Variants in PCDHA13 observed in about 807,000 individuals in gnomAD.
The protein encoded by PCDHA13 is protocadherin alpha-13.
PCDHA13 carries 54 observed loss-of-function variants against 64.8 expected under a neutral mutation model. That is an observed-to-expected ratio of 0.83 (90% confidence interval 0.67 to 1.04). The LOEUF is 1.04. PCDHA13 is among the 50% of genes least tolerant of loss of function. PCDHA13 has a pLI of 0.00. For synonymous variants in PCDHA13, 587 were observed against 564.4 expected (o/e 1.04, Z -0.57); for missense variants, 1,248 against 1,254.3 (o/e 0.99, Z 0.08).
At chr5:140,908,455 AT>A (rs367827339) in intron 1 of PCDHA13, among the ~76,000 whole-genome samples, 51 of 152,296 alleles carry the variant, frequency 3.3e-4, no homozygotes, top group African/African-American at 9.9e-4. Flanking sequence ...GGCTAGATGG[AT>A]CAGAAAGCAC....
At chr5:140,969,170 G>A in intron 1 of PCDHA13, 1 of 1,614,114 alleles carries the variant, frequency 6.2e-7, no homozygotes. Flanking sequence ...AGCAGGCTCA[G>A]GGAGTGACAC....
intron 3 of PCDHA13, among the ~76,000 whole-genome samples, chr5:140,994,387 C>T (rs192635308): frequency 1.3e-5 from 2 of 152,174 alleles, no homozygotes; most frequent in East Asian, 1.9e-4. Context: ...GGGACTAAGT[C>T]AGAGATTATT....
intron 1 of PCDHA13, among the ~76,000 whole-genome samples, chr5:140,951,495 G>A (rs1554219919): frequency 1.3e-5 from 2 of 151,958 alleles, no homozygotes; most frequent in African/African-American, 4.8e-5. Context: ...ATGGTGGAAG[G>A]CAAAAGGAAA....
chr5:141,003,741 A>G (rs1291595687), intron 3 of PCDHA13, among the ~76,000 whole-genome samples: 5 of 152,180 alleles, frequency 3.3e-5, no homozygotes, highest in South Asian at 2.1e-4. Flanking sequence ...AAGCAAAACC[A>G]TATTTTGTAT....
At position 140,948,398 on chromosome 5, in the gene PCDHA13, T is replaced by G. The variant is rs147325819; in HGVS notation, c.2395-30551T>G. 6.9e-3 allele frequency among the ~76,000 whole-genome samples: 1,051 copies of G among 151,748 alleles called. 6 individuals carry two copies. The highest frequency in any genetic ancestry group is 0.017 in the Middle Eastern group (5 of 294). Reference sequence around the variant, plus strand: ...CCTTCCTCTATTTTCTGAAAGGTTGTGTAATATTGGTGTTATTTCTTCCTT... The same window carrying G: ...CCTTCCTCTATTTTCTGAAAGGTTGGGTAATATTGGTGTTATTTCTTCCTT... On this transcript the variant is annotated intron_variant, in intron 1 of 3. Transcript: ENST00000289272.
At chr5:140,995,608 C>G (rs543938511) in intron 3 of PCDHA13, among the ~76,000 whole-genome samples, 1 of 152,206 alleles carries the variant, frequency 6.6e-6, no homozygotes, top group East Asian at 1.9e-4. Flanking sequence ...TTTCTTCTCC[C>G]AAACCAAATA....
At chr5:140,906,099 T>G (rs1377633678) in intron 1 of PCDHA13, among the ~76,000 whole-genome samples, 1 of 152,118 alleles carries the variant, frequency 6.6e-6, no homozygotes, top group African/African-American at 2.4e-5. Flanking sequence ...AGTAAGTGTG[T>G]CTTTCCCAGT....
In PCDHA13 at chr5:140,979,019, C is replaced by T; in HGVS notation, c.2453+12C>T. On this transcript the variant is annotated intron_variant, in intron 2 of 3. Coordinates refer to ENST00000289272, the MANE Select transcript of PCDHA13 (RefSeq NM_018904.3). ...GCAGGCATGCACAGGTATGTATTTC[C>T]CTCCTCATTCACTCAGAAGTAACCT... 1 of 1,613,662 alleles carries T rather than the reference C, an allele frequency of 6.2e-7. No individual in the cohort carries two copies. Among genetic ancestry groups the T allele is most frequent in the South Asian group, 1.1e-5 (1 of 90,910 alleles).
chr5:140,986,777 G>A (rs1203790689), intron 3 of PCDHA13, among the ~76,000 whole-genome samples: 5 of 152,234 alleles, frequency 3.3e-5, no homozygotes, highest in Admixed American at 6.5e-5. Flanking sequence ...ATTAGGTAGC[G>A]GAAGCCACTA....
At position 140,909,749 on chromosome 5, in the gene PCDHA13, C is replaced by G. The variant is rs141984152; in HGVS notation, c.2394+25087C>G. On this transcript the variant is annotated intron_variant, in intron 1 of 3. Coordinates refer to ENST00000289272, the MANE Select transcript of PCDHA13 (RefSeq NM_018904.3). ...ATGCATTCTGGCACTGGGGAAATGA[C>G]CACAGGATGAGTCCAGGGACCCACT... 2.0e-3 allele frequency among the ~76,000 whole-genome samples: 298 copies of G among 152,232 alleles called. 1 individual carries two copies. Among genetic ancestry groups the G allele is most frequent in the African/African-American group, 6.9e-3 (285 of 41,526 alleles).
chr5:140,902,565 T>G (rs571957153), intron 1 of PCDHA13, among the ~76,000 whole-genome samples: 1 of 152,110 alleles, frequency 6.6e-6, no homozygotes. Context: ...TTTTTGAGGG[T>G]TTTTAAGATT....
chr5:140,971,050 C>G (rs2096454255), intron 1 of PCDHA13, among the ~76,000 whole-genome samples: 1 of 152,146 alleles, frequency 6.6e-6, no homozygotes, highest in South Asian at 2.1e-4. Context: ...AAGGGTTTAG[C>G]TTTAAATAAG....
intron 1 of PCDHA13, among the ~76,000 whole-genome samples, chr5:140,975,601 G>A (rs943598203): frequency 1.2e-4 from 19 of 152,192 alleles, no homozygotes; most frequent in African/African-American, 4.6e-4. Flanking sequence ...GCAATTTGTT[G>A]ATGTCTTCCA....
At position 140,926,799 on chromosome 5, in the gene PCDHA13, T is replaced by G. The variant is rs561004739; in HGVS notation, c.2394+42137T>G. Reference sequence around the variant, plus strand: ...AGTGACGGCCGGCAGGAGCGTGCTCTTCCCCGCGGCTCGTGCTCTCCAGGA... The same window carrying G: ...AGTGACGGCCGGCAGGAGCGTGCTCGTCCCCGCGGCTCGTGCTCTCCAGGA... On this transcript the variant is annotated intron_variant, in intron 1 of 3. Transcript: ENST00000289272. The G allele has an allele frequency of 1.6e-4, 230 of 1,456,322 alleles. 2 individuals carry two copies. The African/African-American group carries it at 2.6e-3, about 16-fold the overall frequency. The allele number at this position is 1,456,322 out of a possible 1,614,324, so 90.2% of individuals were successfully genotyped here.
chr5:140,941,191 T>TTTTTCTTTC lies in PCDHA13; in HGVS notation c.2395-37755_2395-37754insTCTTTCTTT, dbSNP rs1554213809. 3.1e-4 allele frequency among the ~76,000 whole-genome samples: 29 copies of TTTTTCTTTC among 93,252 alleles called. No homozygotes were observed. The East Asian group carries it at 6.1e-3, about 20-fold the overall frequency. 61.2% of individuals were successfully genotyped at this position (93,252 alleles called of 152,430 possible). On this transcript the variant is annotated intron_variant, in intron 1 of 3. Transcript: ENST00000289272. ...CATCTTGAACATCCTGCTTCTTTTT[T>TTTTTCTTTC]TTTCTTTCTTCCTTTCTTTCTTCCT...
chr5:140,932,920 A>G (rs1397195310), intron 1 of PCDHA13, among the ~76,000 whole-genome samples: 3 of 152,034 alleles, frequency 2.0e-5, no homozygotes, highest in Non-Finnish European at 4.4e-5. Flanking sequence ...CAACAACTAA[A>G]TTAACTTAGC....
At chr5:140,985,832 C>T (rs760290757) in intron 3 of PCDHA13, among the ~76,000 whole-genome samples, 4 of 151,378 alleles carry the variant, frequency 2.6e-5, no homozygotes, top group African/African-American at 4.9e-5. Flanking sequence ...CTCTGCCTCC[C>T]GGGTTCATGC....
chr5:140,961,915 G>T (rs1393178053), intron 1 of PCDHA13, among the ~76,000 whole-genome samples: 4 of 146,912 alleles, frequency 2.7e-5, no homozygotes, highest in Non-Finnish European at 4.5e-5. Context: ...ATGGAGTCTC[G>T]CTCTGTTGCC....
intron 1 of PCDHA13, among the ~76,000 whole-genome samples, chr5:140,945,046 A>T (rs2093731107): frequency 6.6e-6 from 1 of 152,192 alleles, no homozygotes; most frequent in Non-Finnish European, 1.5e-5. Flanking sequence ...TTGGTCTTAT[A>T]TAAAGAAAAC....
Sources: gnomAD v4.1 joint callset for allele counts (sites outside exome capture counted in the v4.1 genomes callset) on GRCh38, gnomAD v4.1.1 for gene constraint, MANE v1.5 for transcripts, NCBI Gene and HGNC (gene_info 2026-07-23, HGNC 2026-07-21) for gene names.